Variants in ZNF710 observed in about 807,000 individuals in gnomAD.
ZNF710 encodes the protein zinc finger protein 710.
Under a neutral mutation model 50.6 loss-of-function variants are expected in ZNF710, and 13 were observed. The observed-to-expected ratio is 0.26, with a 90% CI of 0.17 to 0.41. The LOEUF is 0.41. Among genes scored for constraint, ZNF710 ranks in the 10% least tolerant of loss-of-function variants. The pLI is 1.00. For missense variants in ZNF710, 721 were observed against 936.6 expected, an observed-to-expected ratio of 0.77 and a Z score of 3.01; for synonymous variants, 383 against 397.0, an observed-to-expected ratio of 0.96 and a Z score of 0.42.
chr15:90,021,021 T>C (rs1321075396), intron 1 of ZNF710, among the ~76,000 whole-genome samples: 9 of 140,142 alleles, frequency 6.4e-5, no homozygotes, highest in African/African-American at 2.5e-4. Context: ...CCCCCCCCCC[T>C]TAGCAGCCTG....
intron 1 of ZNF710, among the ~76,000 whole-genome samples, chr15:90,017,815 T>G (rs1278088390): frequency 1.3e-5 from 2 of 152,268 alleles, no homozygotes; most frequent in Admixed American, 1.3e-4. Flanking sequence ...CATTTTGATA[T>G]CTGAAATAGA....
chr15:90,015,731 G>T (rs1022008440), intron 1 of ZNF710, among the ~76,000 whole-genome samples: 1 of 151,906 alleles, frequency 6.6e-6, no homozygotes, highest in Non-Finnish European at 1.5e-5. Flanking sequence ...AAGTATCTGG[G>T]AACACAGGCG....
intron 1 of ZNF710, among the ~76,000 whole-genome samples, chr15:90,054,949 G>C (rs895332853): frequency 1.3e-5 from 2 of 152,158 alleles, no homozygotes; most frequent in African/African-American, 4.8e-5. Context: ...TCTCGGCAAG[G>C]GGCCTCTTTT....
chr15:90,081,591 C>T lies in ZNF710; in HGVS notation c.*1762C>T, dbSNP rs1350156858. 1.3e-5 allele frequency: 2 copies of T among 152,444 alleles called. No individual in the cohort carries two copies. Among genetic ancestry groups the T allele is most frequent in the East Asian group, 3.8e-4 (2 of 5,200 alleles). 9.4% of individuals were successfully genotyped at this position (152,444 alleles called of 1,614,324 possible). On this transcript the variant is annotated 3_prime_UTR_variant, in exon 5 of 5. Coordinates refer to ENST00000268154, the MANE Select transcript of ZNF710 (RefSeq NM_198526.4). The stretch of plus-strand genomic sequence containing the variant: ...CTTCCAGACCCCGAAGCCCCACGAC[C>T]TCCCAGGTGCCCGCCATGATGACCC...
chr15:90,057,550 A>G (rs931231988), intron 1 of ZNF710, among the ~76,000 whole-genome samples: 2 of 151,860 alleles, frequency 1.3e-5, no homozygotes, highest in African/African-American at 4.8e-5. Flanking sequence ...TCCAAAAATG[A>G]GCCAGGCGTG....
rs187946552 is a variant in ZNF710 at position 90,031,283 on chromosome 15, C to T, written c.-29+29669C>T. ...AAGCTGTGTGAATATAGTGACTAAT[C>T]ATAGACTCTCGGGATTGAAATGTAC... On this transcript the variant is annotated intron_variant, in intron 1 of 4. Coordinates refer to ENST00000268154, the MANE Select transcript of ZNF710 (RefSeq NM_198526.4). Among the ~76,000 whole-genome samples the T allele has an allele frequency of 3.7e-4, 56 of 152,256 alleles. 2 individuals carry two copies. The East Asian group carries it at 6.9e-3, about 19-fold the overall frequency.
At chr15:90,048,701 A>T (rs1899544441) in intron 1 of ZNF710, among the ~76,000 whole-genome samples, 1 of 152,226 alleles carries the variant, frequency 6.6e-6, no homozygotes, top group Admixed American at 6.5e-5. Context: ...TTCGTTTAGG[A>T]ATGTGGTCTT....
At chr15:90,075,915 A>C (rs1315887067) in intron 4 of ZNF710, 2 of 152,202 alleles carry the variant, frequency 1.3e-5, no homozygotes, top group African/African-American at 4.8e-5. Context: ...CAGACTCTAC[A>C]CTTCAAAAAG....
chr15:90,034,677 C>T lies in ZNF710; in HGVS notation c.-28-32433C>T, dbSNP rs1567228478. ...ACCCCTTCTGAGAGGCCCGCCTGCT[C>T]TCCTGCTACCCTAGAGCCCAGGACA... On this transcript the variant is annotated intron_variant, in intron 1 of 4. Coordinates refer to ENST00000268154, the MANE Select transcript of ZNF710 (RefSeq NM_198526.4). The surrounding 1 kb of genome is among the most constrained non-coding windows in gnomAD (Gnocchi z 4.0). Among the ~76,000 whole-genome samples the T allele has an allele frequency of 1.3e-5, 2 of 152,278 alleles. No homozygotes were observed. Among genetic ancestry groups the T allele is most frequent in the South Asian group, 4.1e-4 (2 of 4,828 alleles).
Position 90,067,561 on chromosome 15 carries a change from G to A in ZNF710, c.424G>A (p.Ala142Thr), listed in dbSNP as rs1411150009. 1 of 1,610,526 alleles carries A rather than the reference G, an allele frequency of 6.2e-7. No individual in the cohort carries two copies. The highest frequency in any genetic ancestry group is 1.3e-5 in the African/African-American group (1 of 74,912). Residue 142 changes from alanine (A) to threonine (T), a missense_variant, in exon 2 of 5, where the codon GCG (alanine) becomes ACG (threonine). By Grantham distance (58) the Ala-to-Thr change is moderately conservative. Coordinates refer to ENST00000268154, the MANE Select transcript of ZNF710 (RefSeq NM_198526.4). This position sits in a 1 kb window ranked among gnomAD's most constrained non-coding sequence, Gnocchi z 8.1. ...DAGPAEAPAE[A>T]ASGGCDALVQ... ...AGGGCCAGCAGAAGCCCCCGCCGAG[G>A]CGGCCAGTGGCGGCTGCGACGCCCT...
intron 1 of ZNF710, among the ~76,000 whole-genome samples, chr15:90,058,501 G>A (rs1267617668): frequency 3.3e-5 from 5 of 152,136 alleles, no homozygotes; most frequent in East Asian, 1.9e-4. Flanking sequence ...GTCCCTTGGC[G>A]ACTGTCAGTT....
chr15:90,046,414 A>G (rs1899462419), intron 1 of ZNF710, among the ~76,000 whole-genome samples: 1 of 152,140 alleles, frequency 6.6e-6, no homozygotes, highest in African/African-American at 2.4e-5. Context: ...GGGGAGTCCT[A>G]TCCCTGCCCC....
chr15:90,067,830 C>T lies in ZNF710; in HGVS notation c.693C>T (p.Ala231=), dbSNP rs1900234410. The T allele has an allele frequency of 6.3e-7, 1 of 1,591,100 alleles. No homozygotes were observed. The highest frequency in any genetic ancestry group is 8.6e-7 in the Non-Finnish European group (1 of 1,167,444). The change falls in exon 2 of 5, where the codon GCC becomes GCT. Residue 231 remains alanine, a synonymous_variant. Transcript: ENST00000268154. The surrounding 1 kb of genome is among the most constrained non-coding windows in gnomAD (Gnocchi z 8.1). Reference sequence around the variant, plus strand: ...TGGCCCCCCTGAGTGACCCCGAGGCCCCCAGCATGGAGTCCCCGGAGCCTG... The same window carrying T: ...TGGCCCCCCTGAGTGACCCCGAGGCTCCCAGCATGGAGTCCCCGGAGCCTG... ...PHLAPLSDPE[A]PSMESPEPVK...
chr15:90,071,085 G>GC (rs1900364233), intron 2 of ZNF710, among the ~76,000 whole-genome samples: 1 of 151,988 alleles, frequency 6.6e-6, no homozygotes, highest in Non-Finnish European at 1.5e-5. Flanking sequence ...ACATGGTGAA[G>GC]CCCCGTCTCT....
intron 1 of ZNF710, among the ~76,000 whole-genome samples, chr15:90,005,767 T>A (rs1898125508): frequency 6.6e-6 from 1 of 152,236 alleles, no homozygotes; most frequent in African/African-American, 2.4e-5. Flanking sequence ...AGGTTTTGAA[T>A]TGGACTCAGA....
chr15:90,052,979 C>T (rs2151509529), intron 1 of ZNF710, among the ~76,000 whole-genome samples: 1 of 151,312 alleles, frequency 6.6e-6, no homozygotes, highest in South Asian at 2.1e-4. Flanking sequence ...TGTCTATCTC[C>T]CTGGGACAGC....
At chr15:90,066,074 A>T (rs1354777574) in intron 1 of ZNF710, among the ~76,000 whole-genome samples, 1 of 152,232 alleles carries the variant, frequency 6.6e-6, no homozygotes, top group Non-Finnish European at 1.5e-5. Flanking sequence ...TAAAAGTGAT[A>T]TTTTTATCAG....
At chr15:90,051,492 G>A (rs1176083861) in intron 1 of ZNF710, among the ~76,000 whole-genome samples, 1 of 151,992 alleles carries the variant, frequency 6.6e-6, no homozygotes, top group Non-Finnish European at 1.5e-5. Context: ...AATTAGCTGG[G>A]TGTGGTGGTG....
In ZNF710 at chr15:90,067,444, G is replaced by A; in HGVS notation, c.307G>A (p.Val103Met). The A allele has an allele frequency of 6.2e-7, 1 of 1,610,264 alleles. No homozygotes were observed. Among genetic ancestry groups the A allele is most frequent in the Non-Finnish European group, 8.5e-7 (1 of 1,178,122 alleles). The change falls in exon 2 of 5, where the codon GTG becomes ATG. Residue 103 changes from valine to methionine, a missense_variant. By Grantham distance (21) the Val-to-Met change is conservative (BLOSUM62 1). Around this residue, in one of 3 missense-constraint regions of ZNF710, gnomAD observed 326 missense variants for 347.1 expected, o/e 0.94. Transcript: ENST00000268154. The surrounding 1 kb of genome is among the most constrained non-coding windows in gnomAD (Gnocchi z 8.1). Reference sequence around the variant, plus strand: ...CACCCGGCGGAAGACGCGGCCACCTGTGCGGTTGGTGCCCAAGGTCAAGTT... The same window carrying A: ...CACCCGGCGGAAGACGCGGCCACCTATGCGGTTGGTGCCCAAGGTCAAGTT... The part of the protein sequence containing the change: ...KHTRRKTRPP[V>M]RLVPKVKFEK...
Sources: allele counts gnomAD v4.1 joint callset (sites outside exome capture counted in the v4.1 genomes callset), GRCh38; gene constraint gnomAD v4.1.1; regional missense constraint gnomAD v4.1.1; non-coding constraint Gnocchi (gnomAD v3.1); transcripts MANE v1.5; gene names NCBI Gene and HGNC (gene_info 2026-07-23, HGNC 2026-07-21).